ZMIZ1: variants seen among roughly 807,000 people sequenced by gnomAD.
ZMIZ1 encodes the protein zinc finger MIZ-type containing 1, also known as zinc finger MIZ domain-containing protein 1.
A neutral mutation model predicts 113.9 loss-of-function variants in ZMIZ1; 17 were observed. That is an observed-to-expected ratio of 0.15 (90% CI 0.10 to 0.22). The LOEUF is 0.22. Among genes scored for constraint, ZMIZ1 ranks in the 10% least tolerant of loss-of-function variants. The pLI is 1.00. For synonymous variants in ZMIZ1, 607 were observed against 603.1 expected (o/e 1.01, Z -0.09); for missense variants, 1,059 against 1,477.8 (o/e 0.72, Z 4.65).
At chr10:79,116,693 C>T (rs1589290871) in intron 1 of ZMIZ1, among the ~76,000 whole-genome samples, 1 of 152,262 alleles carries the variant, frequency 6.6e-6, no homozygotes, top group South Asian at 2.1e-4. Flanking sequence ...AGTGTTACAC[C>T]CATGCAGAAA....
chr10:79,310,798 G>T (rs371112487), intron 23 of ZMIZ1, 126 bp from the exon 24 acceptor site: 6 of 1,084,290 alleles, frequency 5.5e-6, no homozygotes, highest in Non-Finnish European at 7.8e-6. Flanking sequence ...GTTCAGCCTC[G>T]TACCGGGTGG....
At chr10:79,093,017 G>A (rs925259746) in intron 1 of ZMIZ1, among the ~76,000 whole-genome samples, 1 of 151,732 alleles carries the variant, frequency 6.6e-6, no homozygotes, top group African/African-American at 2.4e-5. Context: ...GAGGTTCCTG[G>A]GGGTTCAAAG....
chr10:79,188,843 G>A (rs965872965), intron 4 of ZMIZ1, among the ~76,000 whole-genome samples: 3 of 152,214 alleles, frequency 2.0e-5, no homozygotes, highest in African/African-American at 7.2e-5. Flanking sequence ...GCCAGATTTT[G>A]TAAGGCCCTT....
In ZMIZ1 at chr10:79,315,947, G is replaced by A. The variant is rs906945670; in HGVS notation, c.*3198G>A. ...TGAGTTCTCCACGTCTGTCTCTCTCGCTCATGTAATATACTCTGACCCTGA... is the reference window on the plus strand; with the variant it reads ...TGAGTTCTCCACGTCTGTCTCTCTCACTCATGTAATATACTCTGACCCTGA... On this transcript the variant is annotated 3_prime_UTR_variant, in exon 25 of 25. Coordinates refer to ENST00000334512, the MANE Select transcript of ZMIZ1 (RefSeq NM_020338.4). The A allele has an allele frequency of 1.3e-5, 2 of 152,686 alleles. No homozygotes were observed. Among genetic ancestry groups the A allele is most frequent in the Middle Eastern group, 3.4e-3 (1 of 294 alleles). The allele number at this position is 152,686 out of a possible 1,614,324, so 9.5% of individuals were successfully genotyped here.
At chr10:79,133,544 T>G (rs1844863239) in intron 2 of ZMIZ1, among the ~76,000 whole-genome samples, 1 of 152,120 alleles carries the variant, frequency 6.6e-6, no homozygotes, top group Non-Finnish European at 1.5e-5. Context: ...AAACAGCTGC[T>G]CCCAGCCCCT....
chr10:79,075,593 C>CTGCACACATGCAAACGCA (rs1842447029), intron 1 of ZMIZ1, among the ~76,000 whole-genome samples: 1 of 53,782 alleles, frequency 1.9e-5, no homozygotes, highest in Non-Finnish European at 4.3e-5. Context: ...ACATGCACAC[C>CTGCACACATGCAAACGCA]TGCACACATG....
chr10:79,222,660 ATGCAAAGGGGTCCCTGTCTCACCCTCCC>A (rs1299125278), intron 7 of ZMIZ1, among the ~76,000 whole-genome samples: 1 of 152,150 alleles, frequency 6.6e-6, no homozygotes, highest in Non-Finnish European at 1.5e-5. Flanking sequence ...AGATTCAGGA[ATGCAAAGGGGTCCCTGTCTCACCCTCCC>A]TGTCTGTGGC....
At chr10:79,228,966 C>T (rs1374844602) in intron 7 of ZMIZ1, among the ~76,000 whole-genome samples, 1 of 152,248 alleles carries the variant, frequency 6.6e-6, no homozygotes, top group Admixed American at 6.5e-5. Flanking sequence ...CATGAGGGCT[C>T]TGCATGTAAT....
At chr10:79,148,228 C>T (rs560894300) in intron 3 of ZMIZ1, among the ~76,000 whole-genome samples, 1 of 152,340 alleles carries the variant, frequency 6.6e-6, no homozygotes, top group Admixed American at 6.5e-5. Flanking sequence ...TGCATGATCA[C>T]GGCCGAACTG....
chr10:79,115,606 C>T (rs962123575), intron 1 of ZMIZ1, among the ~76,000 whole-genome samples: 1 of 152,238 alleles, frequency 6.6e-6, no homozygotes, highest in Admixed American at 6.5e-5. Flanking sequence ...AAAACTGGCT[C>T]ATCAGAGATC....
chr10:79,298,303 C>A, intron 14 of ZMIZ1, 103 bp from the exon 15 acceptor site: 3 of 1,311,592 alleles, frequency 2.3e-6, no homozygotes, highest in South Asian at 1.5e-5. Flanking sequence ...TCCCGAGGGG[C>A]ATGGCTCCAG....
chr10:79,298,352 C>A (rs1162142111), intron 14 of ZMIZ1, 54 bp from the exon 15 acceptor site: 2 of 1,567,046 alleles, frequency 1.3e-6, no homozygotes, highest in Non-Finnish European at 8.6e-7. Context: ...ATAGCCATGG[C>A]CCCTTCTGTC....
chr10:79,313,335 C>G lies in ZMIZ1; in HGVS notation c.*586C>G. The G allele has an allele frequency of 6.4e-6, 1 of 156,426 alleles. No individual in the cohort carries two copies. Among genetic ancestry groups the G allele is most frequent in the Non-Finnish European group, 1.4e-5 (1 of 70,508 alleles). The allele number at this position is 156,426 out of a possible 1,614,324, so 9.7% of individuals were successfully genotyped here. A position where few individuals can be genotyped will look rare whatever the true frequency, so the allele number is the denominator to read the frequency against. On this transcript the variant is annotated 3_prime_UTR_variant, in exon 25 of 25. Transcript: ENST00000334512. Reference sequence around the variant, plus strand: ...GGGAAAGACAACGTCTCTCGGGGGCCAGGGGTCATCGGTTTGACCCCTGAC... The same window carrying G: ...GGGAAAGACAACGTCTCTCGGGGGCGAGGGGTCATCGGTTTGACCCCTGAC...
chr10:79,109,677 G>A (rs997653047), intron 1 of ZMIZ1, among the ~76,000 whole-genome samples: 3 of 152,314 alleles, frequency 2.0e-5, no homozygotes, highest in Non-Finnish European at 2.9e-5. Context: ...GGACAGCCCC[G>A]GGTCGTGGGA....
At chr10:79,203,677 T>C (rs1044021786) in intron 5 of ZMIZ1, among the ~76,000 whole-genome samples, 3 of 152,214 alleles carry the variant, frequency 2.0e-5, no homozygotes, top group African/African-American at 7.2e-5. Flanking sequence ...CCTGACTTCT[T>C]TGGCCCTCCC....
rs1210040943 is a variant in ZMIZ1, at chr10:79,307,651, C to T, written c.2835+80C>T. 1.0e-5 allele frequency: 15 copies of T among 1,468,854 alleles called. No homozygotes were observed. In the East Asian group the frequency reaches 3.0e-4, roughly 30 times the overall value. 91.0% of individuals were successfully genotyped at this position (1,468,854 alleles called of 1,614,324 possible). On this transcript the variant is annotated intron_variant, in intron 23 of 24. Transcript: ENST00000334512. ...TGGGATCTGGATACCCTGTTCCCTC[C>T]CAGGCAAGGCAGAGGATGAAGAATT...
chr10:79,105,474 G>A (rs889687008), intron 1 of ZMIZ1, among the ~76,000 whole-genome samples: 6 of 152,178 alleles, frequency 3.9e-5, no homozygotes, highest in African/African-American at 1.4e-4. Context: ...GCTCCTCAAA[G>A]GTAAACAAAA....
chr10:79,120,724 A>G (rs1381813019), intron 2 of ZMIZ1, among the ~76,000 whole-genome samples: 1 of 152,222 alleles, frequency 6.6e-6, no homozygotes, highest in African/African-American at 2.4e-5. Flanking sequence ...AATTGAAGCT[A>G]GTAGTCTCAT....
intron 23 of ZMIZ1, among the ~76,000 whole-genome samples, chr10:79,310,645 C>T (rs2132108368): frequency 6.6e-6 from 1 of 152,178 alleles, no homozygotes; most frequent in African/African-American, 2.4e-5. Context: ...AGGCCCAGCT[C>T]CCCGTGTCTG....
Sources: gnomAD v4.1 joint callset for allele counts (sites outside exome capture counted in the v4.1 genomes callset) on GRCh38, gnomAD v4.1.1 for gene constraint, MANE v1.5 for transcripts, NCBI Gene and HGNC (gene_info 2026-07-23, HGNC 2026-07-21) for gene names.